The following KLHL8 variants were observed in gnomAD, a reference collection of about 807,000 sequenced individuals.
KLHL8 encodes the protein kelch like family member 8.
A neutral mutation model predicts 63.5 loss-of-function variants in KLHL8; 38 were observed. That is an observed-to-expected ratio of 0.60 (90% CI 0.46 to 0.78). The LOEUF (loss-of-function observed/expected upper bound fraction) is 0.78, where lower values mean the gene tolerates loss of function less well. Among genes scored for constraint, KLHL8 ranks in the 30% least tolerant of loss-of-function variants. The pLI is 0.00. For missense variants in KLHL8, 566 were observed against 752.4 expected (o/e 0.75, Z 2.90); for synonymous variants, 224 against 254.3 (o/e 0.88, Z 1.13).
chr4:87,195,456 C>T lies in KLHL8; in HGVS notation c.84G>A (p.Lys28=). ...GKRQQQHQQI[K]NRSSISDGDG... ...CACCATCACTAATTGAGGATCTGTT[C>T]TTTATTTGCTGGTGCTGTTGTTGCC... Residue 28 remains lysine, a synonymous_variant, in exon 2 of 10, where the codon AAG becomes AAA. Transcript: ENST00000273963. 6.2e-7 allele frequency: 1 copy of T among 1,613,916 alleles called. No individual in the cohort carries two copies. Among genetic ancestry groups the T allele is most frequent in the African/African-American group, 1.3e-5 (1 of 75,034 alleles).
At chr4:87,205,277 C>T (rs116579141) in intron 1 of KLHL8, among the ~76,000 whole-genome samples, 23,984 of 152,078 alleles carry the variant, frequency 0.16, 2,284 homozygotes, top group South Asian at 0.24. Flanking sequence ...TGTGGTGGCA[C>T]GCACCTGTAG....
intron 1 of KLHL8, among the ~76,000 whole-genome samples, chr4:87,227,002 A>C (rs1733036821): frequency 1.1e-5 from 1 of 95,144 alleles, no homozygotes; most frequent in African/African-American, 3.8e-5. Flanking sequence ...TAAATAATAT[A>C]TATTATATAT....
chr4:87,204,623 T>A (rs554745498), intron 1 of KLHL8, among the ~76,000 whole-genome samples: 2 of 152,188 alleles, frequency 1.3e-5, no homozygotes, highest in African/African-American at 4.8e-5. Flanking sequence ...AATAGAACAC[T>A]ACCTCACAAT....
chr4:87,184,666 A>G (rs1731183231), intron 3 of KLHL8, among the ~76,000 whole-genome samples: 1 of 152,114 alleles, frequency 6.6e-6, no homozygotes, highest in African/African-American at 2.4e-5. Flanking sequence ...GAGGAAGACG[A>G]CAAAAGAAAA....
chr4:87,199,570 C>T (rs1468118205), intron 1 of KLHL8, among the ~76,000 whole-genome samples: 2 of 149,638 alleles, frequency 1.3e-5, no homozygotes, highest in Non-Finnish European at 3.0e-5. Flanking sequence ...AGGCAACCTA[C>T]AGAATGGAAG....
chr4:87,195,450 T>G lies in KLHL8; in HGVS notation c.90A>C (p.Arg30Ser). The change falls in exon 2 of 10, where the codon AGA (arginine) becomes AGC (serine). Residue 30 changes from arginine (R) to serine (S), a missense_variant. Transcript: ENST00000273963. ...RQQQHQQIKNRSSISDGDGED... is the reference protein window; with the variant it reads ...RQQQHQQIKNSSSISDGDGED... ...CTCCATCACCATCACTAATTGAGGATCTGTTCTTTATTTGCTGGTGCTGTT... is the reference window on the plus strand; with the variant it reads ...CTCCATCACCATCACTAATTGAGGAGCTGTTCTTTATTTGCTGGTGCTGTT... The G allele has an allele frequency of 6.2e-7, 1 of 1,613,902 alleles. No homozygotes were observed. Among genetic ancestry groups the G allele is most frequent in the Non-Finnish European group, 8.5e-7 (1 of 1,179,860 alleles).
intron 1 of KLHL8, among the ~76,000 whole-genome samples, chr4:87,205,198 G>A (rs1324130904): frequency 2.6e-5 from 4 of 152,188 alleles, no homozygotes; most frequent in Non-Finnish European, 5.9e-5. Flanking sequence ...CTTGGGCCCA[G>A]GAGTTCAAGA....
intron 4 of KLHL8, among the ~76,000 whole-genome samples, chr4:87,180,587 GCTGTATT>G (rs1731012450): frequency 6.6e-6 from 1 of 152,122 alleles, no homozygotes; most frequent in African/African-American, 2.4e-5. Flanking sequence ...AATAAGTCCG[GCTGTATT>G]CTGTATGTGC....
intron 7 of KLHL8, 37 bp downstream of exon 7, chr4:87,170,410 G>A (rs769397900): frequency 1.7e-5 from 27 of 1,564,254 alleles, no homozygotes; most frequent in Middle Eastern, 3.4e-4. Context: ...TGAATGTAAT[G>A]CAATGTAATT....
intron 1 of KLHL8, chr4:87,207,192 G>T: frequency 1.8e-6 from 1 of 567,656 alleles, no homozygotes. Context: ...ATCAATGACC[G>T]CTTCATTGAC....
At chr4:87,176,400 T>C (rs142863456) in intron 6 of KLHL8, among the ~76,000 whole-genome samples, 14 of 152,322 alleles carry the variant, frequency 9.2e-5, no homozygotes, top group African/African-American at 1.2e-4. Context: ...AAGTGTCCCA[T>C]AGAGGGGACA....
chr4:87,167,544 CT>C, intron 8 of KLHL8: 1 of 540,208 alleles, frequency 1.9e-6, no homozygotes. Flanking sequence ...CTCGAATGGC[CT>C]TGTCTTTCTG....
intron 8 of KLHL8, among the ~76,000 whole-genome samples, chr4:87,168,309 A>T (rs1213526148): frequency 1.3e-5 from 2 of 152,086 alleles, no homozygotes; most frequent in Non-Finnish European, 2.9e-5. Flanking sequence ...AGGTTTCTAG[A>T]AATCTGGCCG....
rs1449940712 is a variant in KLHL8 at position 87,185,764 on chromosome 4, T to C, written c.252A>G (p.Val84=). 6.2e-7 allele frequency: 1 copy of C among 1,611,570 alleles called. No homozygotes were observed. Among genetic ancestry groups the C allele is most frequent in the African/African-American group, 1.3e-5 (1 of 74,758 alleles). ...GSKLISCHKL[V]LACVIPYFRA... is the part of the protein sequence containing the mutation. ...TAAAGTAGGGAATAACACAAGCCAA[T>C]ACCAGCTTGTGACAAGAGATTAGCT... The change falls in exon 3 of 10, where the codon GTA becomes GTG. Residue 84 remains valine, a synonymous_variant. Coordinates refer to ENST00000273963, the MANE Select transcript of KLHL8 (RefSeq NM_020803.5).
chr4:87,202,941 T>C (rs944996101), intron 1 of KLHL8, among the ~76,000 whole-genome samples: 3 of 151,890 alleles, frequency 2.0e-5, no homozygotes, highest in Non-Finnish European at 2.9e-5. Context: ...CAGCAAAATA[T>C]AGAGAATGAT....
chr4:87,225,876 G>A (rs536710661), intron 1 of KLHL8, among the ~76,000 whole-genome samples: 1 of 152,114 alleles, frequency 6.6e-6, no homozygotes, highest in South Asian at 2.1e-4. Context: ...TTCATTTTTA[G>A]CATTTTATTT....
rs1730186534 is a variant in KLHL8 at position 87,161,800 on chromosome 4, G to A, written c.*1719C>T. On this transcript the variant is annotated 3_prime_UTR_variant, in exon 10 of 10. Transcript: ENST00000273963. ...GAAATATGGTTGTACTTACACAAAA[G>A]AACACTGGTTCAGATCCAGCAATGA... The A allele has an allele frequency of 6.6e-6, 1 of 152,134 alleles. No individual in the cohort carries two copies. The highest frequency in any genetic ancestry group is 2.4e-5 in the African/African-American group (1 of 41,420). 9.4% of individuals were successfully genotyped at this position (152,134 alleles called of 1,614,324 possible).
rs557367895 is a variant in KLHL8, at chr4:87,236,270, G to T, written n.57+3988C>A. Among the ~76,000 whole-genome samples, 50 of 150,648 alleles carry T rather than the reference G, an allele frequency of 3.3e-4. No homozygotes were observed. The South Asian group carries it at 0.01, about 30-fold the overall frequency. On this transcript the variant is annotated intron_variant and non_coding_transcript_variant, in intron 1 of 1. Coordinates refer to the KLHL8 transcript ENST00000506274. Reference sequence around the variant, plus strand: ...GTAGCCCAGGCTGGAGTGCAGTGGGGCGATCTCGGCTCACCGCAACCTCCG... The same window carrying T: ...GTAGCCCAGGCTGGAGTGCAGTGGGTCGATCTCGGCTCACCGCAACCTCCG...
At chr4:87,204,836 C>T (rs1466245553) in intron 1 of KLHL8, among the ~76,000 whole-genome samples, 3 of 151,900 alleles carry the variant, frequency 2.0e-5, no homozygotes, top group East Asian at 1.9e-4. Context: ...TAAAAGGAGA[C>T]GGCAAAAAGA....
Sources: allele counts gnomAD v4.1 joint callset (sites outside exome capture counted in the v4.1 genomes callset), GRCh38; gene constraint gnomAD v4.1.1; transcripts MANE v1.5; gene names NCBI Gene and HGNC (gene_info 2026-07-23, HGNC 2026-07-21).